PRKN: variants seen among roughly 807,000 people sequenced by gnomAD.
PRKN encodes parkin RBR E3 ubiquitin protein ligase.
A neutral mutation model predicts 59.5 loss-of-function variants in PRKN; 56 were observed. The observed-to-expected ratio is 0.94, with a 90% CI of 0.76 to 1.18. The LOEUF (loss-of-function observed/expected upper bound fraction) is 1.18, where lower values mean the gene tolerates loss of function less well. Ranked by LOEUF, PRKN falls within the 50% of genes most tolerant of loss-of-function variation. PRKN has a pLI of 0.00. For synonymous variants in PRKN, 250 were observed against 222.1 expected (o/e 1.13, Z -1.12); for missense variants, 657 against 596.4 (o/e 1.10, Z -1.06).
intron 7 of PRKN, among the ~76,000 whole-genome samples, chr6:161,755,880 G>A (rs943760398): frequency 3.9e-5 from 6 of 152,092 alleles, no homozygotes; most frequent in African/African-American, 1.4e-4. Flanking sequence ...CTACAGGCCA[G>A]CACAAGTGGC....
chr6:161,545,079 C>T lies in PRKN; in HGVS notation c.1083+3775G>A. On this transcript the variant is annotated intron_variant, in intron 9 of 11. Transcript: ENST00000366898. The surrounding 1 kb of genome is among the most constrained non-coding windows in gnomAD (Gnocchi z 4.1). ...GAGCTCAACACATGGGTGTCTAGCT[C>T]CGAACAATTTTAAATCCCACAAATG... 1 of 1,043,388 alleles carries T rather than the reference C, an allele frequency of 9.6e-7. No homozygotes were observed. Among genetic ancestry groups the T allele is most frequent in the Non-Finnish European group, 1.2e-6 (1 of 825,498 alleles). The allele number at this position is 1,043,388 out of a possible 1,614,324, so 64.6% of individuals were successfully genotyped here. A position where few individuals can be genotyped will look rare whatever the true frequency, so the allele number is the denominator to read the frequency against.
At chr6:161,987,148 C>T (rs1781465114) in intron 5 of PRKN, among the ~76,000 whole-genome samples, 2 of 152,156 alleles carry the variant, frequency 1.3e-5, no homozygotes, top group Non-Finnish European at 2.9e-5. Context: ...TTAATACTTT[C>T]TCACATTCTA....
At chr6:162,484,221 C>G (rs1792438932) in intron 1 of PRKN, among the ~76,000 whole-genome samples, 2 of 152,090 alleles carry the variant, frequency 1.3e-5, no homozygotes, top group African/African-American at 4.8e-5. Context: ...AATATATTAC[C>G]TGTTTTGAAA....
rs1424227944 is a variant in PRKN, at chr6:162,478,191, G to A, written c.8-34718C>T. On this transcript the variant is annotated intron_variant, in intron 1 of 11. Transcript: ENST00000366898. ...GAGAAAAGAGGTTTCATACTGACCT[G>A]TAATTGGATATTCTCTTTCTGGCCT... Among the ~76,000 whole-genome samples the A allele has an allele frequency of 2.0e-5, 3 of 152,276 alleles. No individual in the cohort carries two copies. The Middle Eastern group carries it at 0.01, about 518-fold the overall frequency.
chr6:161,846,718 T>G lies in PRKN; in HGVS notation c.735-60810A>C, dbSNP rs1359679935. Among the ~76,000 whole-genome samples, 9 of 152,312 alleles carry G rather than the reference T, an allele frequency of 5.9e-5. No homozygotes were observed. The South Asian group carries it at 1.9e-3, about 32-fold the overall frequency. Reference sequence around the variant, plus strand: ...GACTCGGGTCTTGTGTCTCCAGATTTGGGTCCCACCTTACCAAATTCCATC... The same window carrying G: ...GACTCGGGTCTTGTGTCTCCAGATTGGGGTCCCACCTTACCAAATTCCATC... On this transcript the variant is annotated intron_variant, in intron 6 of 11. Transcript: ENST00000366898.
chr6:162,445,645 T>G (rs2128168647), intron 1 of PRKN, among the ~76,000 whole-genome samples: 1 of 132,974 alleles, frequency 7.5e-6, no homozygotes, highest in South Asian at 2.4e-4. Flanking sequence ...TGAGCTATGG[T>G]TGTGCCATTG....
intron 6 of PRKN, among the ~76,000 whole-genome samples, chr6:161,831,036 T>A (rs758836572): frequency 3.3e-5 from 5 of 152,184 alleles, no homozygotes; most frequent in Non-Finnish European, 5.9e-5. Context: ...AGATCCCTTT[T>A]TATCAACAGG....
chr6:161,626,443 G>T (rs992674476), intron 7 of PRKN, among the ~76,000 whole-genome samples: 15 of 152,208 alleles, frequency 9.9e-5, no homozygotes, highest in Non-Finnish European at 2.1e-4. Flanking sequence ...AACCATTAAA[G>T]AAAAATAAAG....
Position 161,601,775 on chromosome 6 carries a change from G to T in PRKN, c.872-32359C>A, listed in dbSNP as rs569669405. On this transcript the variant is annotated intron_variant, in intron 7 of 11. Coordinates refer to ENST00000366898, the MANE Select transcript of PRKN (RefSeq NM_004562.3). The stretch of plus-strand genomic sequence containing the variant: ...TTTTTTGTATTTTTAGTAGAGACGG[G>T]GTTTCACCGTGTTAGCCAGGATGGT... 1.9e-4 allele frequency among the ~76,000 whole-genome samples: 29 copies of T among 152,088 alleles called. No homozygotes were observed. In the East Asian group the frequency reaches 5.2e-3, roughly 28 times the overall value.
chr6:162,428,127 T>C (rs935914968), intron 2 of PRKN, among the ~76,000 whole-genome samples: 12 of 152,322 alleles, frequency 7.9e-5, no homozygotes, highest in Admixed American at 7.2e-4. Flanking sequence ...TATAATTCAT[T>C]CATCTTTGAC....
chr6:161,569,269 A>G, intron 8 of PRKN, 86 bp downstream of exon 8: 1 of 1,192,506 alleles, frequency 8.4e-7, no homozygotes, highest in South Asian at 1.2e-5. Context: ...CAGGAGACAT[A>G]CTCGGCCTCC....
At chr6:161,884,159 C>A (rs1028670083) in intron 6 of PRKN, among the ~76,000 whole-genome samples, 1 of 152,110 alleles carries the variant, frequency 6.6e-6, no homozygotes, top group Non-Finnish European at 1.5e-5. Context: ...GGACACAGTG[C>A]CCCTATATAT....
chr6:161,832,014 C>T (rs556420860), intron 6 of PRKN, among the ~76,000 whole-genome samples: 1 of 152,342 alleles, frequency 6.6e-6, no homozygotes, highest in Non-Finnish European at 1.5e-5. Flanking sequence ...TTGTTTCTGT[C>T]CCCATGTGGA....
chr6:162,410,600 T>C (rs1788308341), intron 2 of PRKN, among the ~76,000 whole-genome samples: 1 of 152,300 alleles, frequency 6.6e-6, no homozygotes, highest in African/African-American at 2.4e-5. Context: ...GGACAATGCA[T>C]ACCAATGAGG....
chr6:162,276,778 G>C (rs1007003493), intron 2 of PRKN, among the ~76,000 whole-genome samples: 1 of 150,002 alleles, frequency 6.7e-6, no homozygotes, highest in Non-Finnish European at 1.5e-5. Context: ...TACTTTTTTC[G>C]CTTAATTTCC....
intron 9 of PRKN, among the ~76,000 whole-genome samples, chr6:161,436,843 A>G (rs1455404101): frequency 6.6e-6 from 1 of 151,894 alleles, no homozygotes; most frequent in African/African-American, 2.4e-5. Flanking sequence ...CTCTCTCTCT[A>G]TGTGTTAGGT....
intron 2 of PRKN, among the ~76,000 whole-genome samples, chr6:162,327,943 G>A (rs974021546): frequency 6.6e-6 from 1 of 152,140 alleles, no homozygotes; most frequent in Non-Finnish European, 1.5e-5. Flanking sequence ...AAACAGGTCT[G>A]CGGGCTTGGA....
chr6:162,147,028 G>A (rs1782059861), intron 4 of PRKN, among the ~76,000 whole-genome samples: 1 of 150,390 alleles, frequency 6.6e-6, no homozygotes, highest in South Asian at 2.1e-4. Flanking sequence ...ACCGTGCCCG[G>A]CCTTTTTTTA....
chr6:162,484,892 T>C (rs1417939220), intron 1 of PRKN, among the ~76,000 whole-genome samples: 1 of 152,222 alleles, frequency 6.6e-6, no homozygotes, highest in Non-Finnish European at 1.5e-5. Flanking sequence ...TTCATCAATT[T>C]TACTTTTACA....
Sources: gnomAD v4.1 joint callset for allele counts (sites outside exome capture counted in the v4.1 genomes callset) on GRCh38, gnomAD v4.1.1 for gene constraint, Gnocchi (gnomAD v3.1) non-coding constraint, MANE v1.5 for transcripts, NCBI Gene and HGNC (gene_info 2026-07-23, HGNC 2026-07-21) for gene names.